The following GNPDA2 variants were observed in gnomAD, a reference collection of about 807,000 sequenced individuals.
The protein encoded by GNPDA2 is glcN6P deaminase 2.
Under a neutral mutation model 27.0 loss-of-function variants are expected in GNPDA2, and 24 were observed. That is an observed-to-expected ratio of 0.89 (90% CI 0.64 to 1.25). GNPDA2 has a LOEUF of 1.25. GNPDA2 is among the 50% of genes most tolerant of loss of function. The pLI is 0.00. For synonymous variants in GNPDA2, 94 were observed against 108.4 expected (o/e 0.87, Z 0.83); for missense variants, 286 against 335.1 (o/e 0.85, Z 1.14).
intron 5 of GNPDA2, among the ~76,000 whole-genome samples, chr4:44,710,074 T>C (rs1406924009): frequency 6.6e-6 from 1 of 152,206 alleles, no homozygotes; most frequent in African/African-American, 2.4e-5. Context: ...TAACTCAGTT[T>C]CACATTTTAG....
At position 44,722,155 on chromosome 4, in the gene GNPDA2, T is replaced by G; in HGVS notation, c.53A>C (p.Lys18Thr). The G allele has an allele frequency of 6.2e-7, 1 of 1,613,434 alleles. No individual in the cohort carries two copies. The highest frequency in any genetic ancestry group is 8.5e-7 in the Non-Finnish European group (1 of 1,179,438). Residue 18 changes from lysine (K) to threonine (T), a missense_variant, in exon 2 of 7, where the codon AAA becomes ACA. Physicochemically the swap from Lys to Thr is moderately conservative, Grantham distance 78 (BLOSUM62 -1). Coordinates refer to ENST00000295448, the MANE Select transcript of GNPDA2 (RefSeq NM_138335.3). Reference sequence around the variant, plus strand: ...CTGAATGATGCGATTACAGATGTATTTGGCTGCCCATTCACTAGCCAAGTC... The same window carrying G: ...CTGAATGATGCGATTACAGATGTATGTGGCTGCCCATTCACTAGCCAAGTC... ...NYDLASEWAA[K>T]YICNRIIQFK... is the part of the protein sequence containing the mutation.
At chr4:44,703,273 A>T in intron 6 of GNPDA2, 131 bp from the exon 7 acceptor site, 1 of 1,411,440 alleles carries the variant, frequency 7.1e-7, no homozygotes, top group Admixed American at 3.2e-5. Flanking sequence ...AGTCAAGTTT[A>T]TTGAAAAAGT....
Position 44,701,873 on chromosome 4 carries a change from A to G in GNPDA2, c.*1208T>C. 1.0e-6 allele frequency: 1 copy of G among 979,692 alleles called. No homozygotes were observed. The highest frequency in any genetic ancestry group is 1.2e-6 in the Non-Finnish European group (1 of 824,792). The allele number at this position is 979,692 out of a possible 1,614,324, so 60.7% of individuals were successfully genotyped here. A position where few individuals can be genotyped will look rare whatever the true frequency, so the allele number is the denominator to read the frequency against. On this transcript the variant is annotated 3_prime_UTR_variant, in exon 7 of 7. Transcript: ENST00000295448. Reference sequence around the variant, plus strand: ...ACCATAAAACCCTATTACCAATTTTATTTCATTAATTTATTTGCTATTTTA... The same window carrying G: ...ACCATAAAACCCTATTACCAATTTTGTTTCATTAATTTATTTGCTATTTTA...
At chr4:44,713,817 T>C (rs1717117969) in intron 4 of GNPDA2, among the ~76,000 whole-genome samples, 1 of 151,036 alleles carries the variant, frequency 6.6e-6, no homozygotes, top group Non-Finnish European at 1.5e-5. Context: ...GAGGTGGAGG[T>C]TGCAGTAAGC....
chr4:44,703,343 A>C (rs369348758), intron 6 of GNPDA2: 1 of 1,358,780 alleles, frequency 7.4e-7, no homozygotes, highest in Non-Finnish European at 9.4e-7. Flanking sequence ...ACCAATTTAT[A>C]ATTATGTAAC....
intron 5 of GNPDA2, 44 bp downstream of exon 5, chr4:44,710,905 AATAT>A: frequency 7.4e-7 from 1 of 1,349,848 alleles, no homozygotes; most frequent in Non-Finnish European, 1.0e-6. Flanking sequence ...CCAAAATATT[AATAT>A]ATTAACATGA....
At chr4:44,718,035 C>A (rs748655560) in intron 3 of GNPDA2, among the ~76,000 whole-genome samples, 1 of 151,854 alleles carries the variant, frequency 6.6e-6, no homozygotes, top group African/African-American at 2.4e-5. Flanking sequence ...CTTAAAGTTA[C>A]ATCACTGTTG....
In GNPDA2 at chr4:44,722,121, A is replaced by G. The variant is rs772815722; in HGVS notation, c.87T>C (p.Pro29=). 1 of 1,613,392 alleles carries G rather than the reference A, an allele frequency of 6.2e-7. No individual in the cohort carries two copies. The highest frequency in any genetic ancestry group is 1.1e-5 in the South Asian group (1 of 90,998). ...CCAGTGTAAAATATCTGTCCTGTCC[A>G]GGTTTGAACTGAATGATGCGATTAC... is the stretch of plus-strand genomic sequence containing the variant. ...YICNRIIQFK[P]GQDRYFTLGL... The change falls in exon 2 of 7, where the codon CCT becomes CCC. Residue 29 remains proline (P), a synonymous_variant. Coordinates refer to ENST00000295448, the MANE Select transcript of GNPDA2 (RefSeq NM_138335.3).
intron 1 of GNPDA2, among the ~76,000 whole-genome samples, chr4:44,724,280 T>C (rs531256558): frequency 1.3e-5 from 2 of 152,298 alleles, no homozygotes; most frequent in East Asian, 1.9e-4. Context: ...CGAATTGGCC[T>C]TAAGTCCTCT....
chr4:44,711,242 C>G (rs1716961991), intron 4 of GNPDA2, 105 bp from the exon 5 acceptor site: 1 of 599,546 alleles, frequency 1.7e-6, no homozygotes, highest in South Asian at 4.2e-5. Flanking sequence ...TTATTTTATA[C>G]TTGAATTCCT....
intron 4 of GNPDA2, among the ~76,000 whole-genome samples, chr4:44,713,159 C>G (rs1365621995): frequency 2.6e-5 from 4 of 152,178 alleles, no homozygotes; most frequent in African/African-American, 9.7e-5. Context: ...TCTCTTCTGC[C>G]TTGCTCCCCT....
At chr4:44,722,646 A>T (rs1261149075) in intron 1 of GNPDA2, among the ~76,000 whole-genome samples, 1 of 152,174 alleles carries the variant, frequency 6.6e-6, no homozygotes, top group African/African-American at 2.4e-5. Context: ...TTTACATTGT[A>T]TTAGGTATTA....
chr4:44,725,701 C>G (rs1717967422), intron 1 of GNPDA2, among the ~76,000 whole-genome samples: 1 of 152,172 alleles, frequency 6.6e-6, no homozygotes, highest in Non-Finnish European at 1.5e-5. Flanking sequence ...TAAGATTTGA[C>G]TTTTCCAGTT....
intron 6 of GNPDA2, chr4:44,704,702 A>C: frequency 2.1e-6 from 2 of 974,746 alleles, no homozygotes; most frequent in South Asian, 4.7e-5. Flanking sequence ...CTTCTGATAA[A>C]AATGCACCAG....
intron 4 of GNPDA2, chr4:44,714,516 C>G: frequency 1.0e-6 from 1 of 985,396 alleles, no homozygotes; most frequent in Non-Finnish European, 1.2e-6. Flanking sequence ...TCTCATTCTA[C>G]TGTTTCCAAT....
At chr4:44,723,521 T>C (rs1717813561) in intron 1 of GNPDA2, among the ~76,000 whole-genome samples, 1 of 152,174 alleles carries the variant, frequency 6.6e-6, no homozygotes, top group Admixed American at 6.5e-5. Flanking sequence ...TGGGAGTTGT[T>C]TCACTTAAGA....
At chr4:44,718,207 T>C in intron 3 of GNPDA2, 102 bp downstream of exon 3, 1 of 485,126 alleles carries the variant, frequency 2.1e-6, no homozygotes. Context: ...AATATTATAT[T>C]CAAAACATAA....
chr4:44,718,273 C>T, intron 3 of GNPDA2, 36 bp downstream of exon 3: 1 of 795,576 alleles, frequency 1.3e-6, no homozygotes, highest in Non-Finnish European at 2.0e-6. Flanking sequence ...ATATAACATA[C>T]CCAAATAATG....
chr4:44,723,665 C>T (rs1242998286), intron 1 of GNPDA2, among the ~76,000 whole-genome samples: 2 of 152,032 alleles, frequency 1.3e-5, no homozygotes, highest in African/African-American at 4.8e-5. Context: ...ATCTTTGCTA[C>T]TGTTGTTATT....
Sources: gnomAD v4.1 joint callset for allele counts (sites outside exome capture counted in the v4.1 genomes callset) on GRCh38, gnomAD v4.1.1 for gene constraint, MANE v1.5 for transcripts, NCBI Gene and HGNC (gene_info 2026-07-23, HGNC 2026-07-21) for gene names.